EHMT2: variants seen among roughly 807,000 people sequenced by gnomAD.
EHMT2 encodes histone-lysine N-methyltransferase EHMT2.
In EHMT2, 59 loss-of-function variants were observed where a neutral mutation model predicts 143.3. That is an observed-to-expected ratio of 0.41 (90% CI 0.33 to 0.51). The LOEUF (loss-of-function observed/expected upper bound fraction) is 0.51. EHMT2 is among the 20% of genes least tolerant of loss of function. The pLI, the probability that EHMT2 is intolerant of heterozygous loss-of-function variation, is 0.18. For missense variants in EHMT2, 1,174 were observed against 1,645.9 expected, an observed-to-expected ratio of 0.71 and a Z score of 4.96; for synonymous variants, 604 against 651.5, an observed-to-expected ratio of 0.93 and a Z score of 1.11.
At position 31,897,623 on chromosome 6, in the gene EHMT2, T is replaced by C. The variant is rs1002064888; in HGVS notation, c.42+13A>G. On this transcript the variant is annotated intron_variant, in intron 1 of 27. Transcript: ENST00000375537. ...GCGGGCATGCACCCGCCTCTCCCCC[T>C]CCCCTTCCGCACCTCGGCGGCCGCC... The C allele has an allele frequency of 8.8e-7, 1 of 1,133,064 alleles. No individual in the cohort carries two copies. The highest frequency in any genetic ancestry group is 1.1e-6 in the Non-Finnish European group (1 of 925,504). 70.2% of individuals were successfully genotyped at this position (1,133,064 alleles called of 1,614,324 possible). A position where few individuals can be genotyped will look rare whatever the true frequency, so the allele number is the denominator to read the frequency against.
intron 4 of EHMT2, chr6:31,893,329 CTTTT>C (rs1423022952): frequency 2.5e-5 from 11 of 441,732 alleles, no homozygotes; most frequent in Non-Finnish European, 4.9e-5. Flanking sequence ...GAAAGATATA[CTTTT>C]TTTAAGAGAT....
rs374600328 is a variant in EHMT2, at chr6:31,896,603, C to G, written c.328+3G>C. On this transcript the variant is annotated splice_donor_region_variant and intron_variant, in intron 3 of 27. Coordinates refer to ENST00000375537, the Ensembl canonical transcript of EHMT2. Reference sequence around the variant, plus strand: ...CAACCCCCCAGGCTACCCAGCCTCTCACCCAGCAGGATCCGGCCCCCACGG... The same window carrying G: ...CAACCCCCCAGGCTACCCAGCCTCTGACCCAGCAGGATCCGGCCCCCACGG... 3.8e-6 allele frequency: 6 copies of G among 1,586,140 alleles called. No homozygotes were observed. The African/African-American group carries it at 5.4e-5, about 14-fold the overall frequency.
rs926068646 is a variant in EHMT2, at chr6:31,880,761, C to T, written c.3364G>A (p.Val1122Ile). 1.9e-6 allele frequency: 3 copies of T among 1,613,794 alleles called. No individual in the cohort carries two copies. Among genetic ancestry groups the T allele is most frequent in the Admixed American group, 1.7e-5 (1 of 59,992 alleles). Reference sequence around the variant, plus strand: ...TCTTGGTGCAGCATGAAGACCCGGACGGGAATGATGTTGGGGTCACACAGG... The same window carrying T: ...TCTTGGTGCAGCATGAAGACCCGGATGGGAATGATGTTGGGGTCACACAGG... The change falls in exon 27 of 28, where the codon GTC becomes ATC. Residue 1122 changes from valine to isoleucine, a missense_variant. By Grantham distance (29) the Val-to-Ile change is conservative. Coordinates refer to ENST00000375537, the Ensembl canonical transcript of EHMT2. This position sits in a 1 kb window ranked among gnomAD's most constrained non-coding sequence, Gnocchi z 6.6.
chr6:31,888,903 CT>C lies in EHMT2; in HGVS notation c.1216+65del. The stretch of plus-strand genomic sequence containing the variant: ...CCCCGGCTCTGGCGTGGTTCCCCTC[CT>C]TCCCTTTCCCTCCTGCCCTGAGGTC... On this transcript the variant is annotated intron_variant, in intron 10 of 27. Coordinates refer to ENST00000375537, the Ensembl canonical transcript of EHMT2. The surrounding 1 kb of genome is among the most constrained non-coding windows in gnomAD (Gnocchi z 7.4). 6.6e-7 allele frequency: 1 copy of C among 1,518,140 alleles called. No homozygotes were observed. The highest frequency in any genetic ancestry group is 8.9e-7 in the Non-Finnish European group (1 of 1,117,518). 94.0% of individuals were successfully genotyped at this position (1,518,140 alleles called of 1,614,324 possible). A position where few individuals can be genotyped will look rare whatever the true frequency, so the allele number is the denominator to read the frequency against.
chr6:31,889,378 AC>A lies in EHMT2; in HGVS notation c.1000-37del. The A allele has an allele frequency of 1.2e-6, 2 of 1,608,040 alleles. No homozygotes were observed. The highest frequency in any genetic ancestry group is 2.2e-5 in the East Asian group (1 of 44,800). On this transcript the variant is annotated intron_variant, in intron 8 of 27. Transcript: ENST00000375537. The surrounding 1 kb of genome is among the most constrained non-coding windows in gnomAD (Gnocchi z 5.1). Reference sequence around the variant, plus strand: ...GGAGGAGGAGGAGTTAGGAACCCTCACCCCCAGGGGCCCCCCCAACACCTTC... The same window carrying A: ...GGAGGAGGAGGAGTTAGGAACCCTCACCCCAGGGGCCCCCCCAACACCTTC...
Position 31,880,914 on chromosome 6 carries a change from T to TC in EHMT2, c.3277-67dup, listed in dbSNP as rs1764028513. On this transcript the variant is annotated intron_variant, in intron 26 of 27. Transcript: ENST00000375537. The surrounding 1 kb of genome is among the most constrained non-coding windows in gnomAD (Gnocchi z 6.6). ...CTGCTTGCCCTCCCCACCCACTGAC[T>TC]CCCCAGTCCCTCCTCCCCAGGTTTC... The TC allele has an allele frequency of 6.2e-7, 1 of 1,606,000 alleles. No individual in the cohort carries two copies. Among genetic ancestry groups the TC allele is most frequent in the Admixed American group, 1.7e-5 (1 of 59,892 alleles).
rs373220874 is a variant in EHMT2 at position 31,880,800 on chromosome 6, G to C, written c.3325C>G (p.Arg1109Gly). ...GGGTCACACAGGTGGTTGATGAAGC[G>C]GCTGATGTTGCCATAGTAACGGGCA... The change falls in exon 27 of 28, where the codon CGC (arginine) becomes GGC (glycine). Residue 1109 changes from arginine (R) to glycine (G), a missense_variant. Arg to Gly is a moderately radical substitution (Grantham distance 125). This residue lies in a region of EHMT2 where 44 missense variants were observed against 113.5 expected (regional missense o/e 0.39). Coordinates refer to ENST00000375537, the Ensembl canonical transcript of EHMT2. This position sits in a 1 kb window ranked among gnomAD's most constrained non-coding sequence, Gnocchi z 6.6. The C allele has an allele frequency of 2.5e-6, 4 of 1,613,786 alleles. No homozygotes were observed. The highest frequency in any genetic ancestry group is 1.3e-5 in the African/African-American group (1 of 74,876).
At position 31,889,742 on chromosome 6, in the gene EHMT2, A is replaced by C. The variant is rs1765446014; in HGVS notation, c.865-140T>G. 2.9e-6 allele frequency: 3 copies of C among 1,041,612 alleles called. No homozygotes were observed. The highest frequency in any genetic ancestry group is 2.9e-6 in the Non-Finnish European group (2 of 695,576). The allele number at this position is 1,041,612 out of a possible 1,614,324, so 64.5% of individuals were successfully genotyped here. A position where few individuals can be genotyped will look rare whatever the true frequency, so the allele number is the denominator to read the frequency against. ...ATAAGTGTGGGTAGCAGAGGAGACAAAGGGCCACATAAAGAGAGGGTGCAT... is the reference window on the plus strand; with the variant it reads ...ATAAGTGTGGGTAGCAGAGGAGACACAGGGCCACATAAAGAGAGGGTGCAT... On this transcript the variant is annotated intron_variant, in intron 7 of 27. Transcript: ENST00000375537. This position sits in a 1 kb window ranked among gnomAD's most constrained non-coding sequence, Gnocchi z 5.1.
intron 4 of EHMT2, chr6:31,895,685 T>C (rs1766317057): frequency 6.6e-6 from 1 of 152,144 alleles, no homozygotes; most frequent in African/African-American, 2.4e-5. Context: ...CTAATCAGAG[T>C]GTATTTTCAC....
rs1170755204 is a variant in EHMT2 at position 31,897,291 on chromosome 6, C to A, written c.43-302G>T. On this transcript the variant is annotated intron_variant, in intron 1 of 27. Transcript: ENST00000375537. ...CCTCCCGGCTGCACGCGCCGCTCCC[C>A]CTTTGTCCCCCAGGCCGCGGGGACC... 1.4e-5 allele frequency: 10 copies of A among 731,352 alleles called. No individual in the cohort carries two copies. The African/African-American group carries it at 1.7e-4, about 12-fold the overall frequency. 45.3% of individuals were successfully genotyped at this position (731,352 alleles called of 1,614,324 possible).
At position 31,884,977 on chromosome 6, in the gene EHMT2, G is replaced by A; in HGVS notation, c.2383C>T (p.His795Tyr). 1 of 1,611,018 alleles carries A rather than the reference G, an allele frequency of 6.2e-7. No homozygotes were observed. Among genetic ancestry groups the A allele is most frequent in the Non-Finnish European group, 8.5e-7 (1 of 1,177,954 alleles). ...ATGCGGATCACCTCGATGTGCTTGT[G>A]CTCTGCAGCCCAGATGATGGGCGTC... Residue 795 changes from histidine (H) to tyrosine (Y), a missense_variant, in exon 19 of 28, where the codon CAC becomes TAC. Around this residue, in one of 6 missense-constraint regions of EHMT2, gnomAD observed 608 missense variants for 903.7 expected, o/e 0.67. Transcript: ENST00000375537. This position sits in a 1 kb window ranked among gnomAD's most constrained non-coding sequence, Gnocchi z 7.3.
At chr6:31,894,829 T>TATC (rs1766165034) in intron 4 of EHMT2, among the ~76,000 whole-genome samples, 2 of 151,688 alleles carry the variant, frequency 1.3e-5, no homozygotes, top group African/African-American at 4.8e-5. Flanking sequence ...TTATTATTAT[T>TATC]TTAGTTAGAG....
intron 15 of EHMT2, 90 bp from the exon 16 acceptor site, chr6:31,887,191 C>G: frequency 8.9e-7 from 1 of 1,121,268 alleles, no homozygotes; most frequent in East Asian, 2.4e-5. Context: ...GAAGGCTTCT[C>G]AGGGCCCCAA....
Position 31,888,596 on chromosome 6 carries a change from C to CACCTCT in EHMT2, c.1362_1365+2dup. ...CACCTCTCCCACCAGCCCACGGCCC[C>CACCTCT]ACCTCTCCGTCCACACTCTCAGTGG... On this transcript the variant is annotated splice_region_variant and intron_variant, in intron 11 of 27. Transcript: ENST00000375537. The surrounding 1 kb of genome is among the most constrained non-coding windows in gnomAD (Gnocchi z 7.4). 6.2e-7 allele frequency: 1 copy of CACCTCT among 1,612,298 alleles called. No individual in the cohort carries two copies. The highest frequency in any genetic ancestry group is 1.1e-5 in the South Asian group (1 of 91,036).
chr6:31,893,294 T>C (rs964768914), intron 4 of EHMT2: 1 of 449,600 alleles, frequency 2.2e-6, no homozygotes, highest in East Asian at 5.6e-5. Context: ...TTATACACAA[T>C]GGAATAACAT....
intron 1 of EHMT2, 143 bp downstream of exon 1, chr6:31,897,493 C>T (rs1562527057): frequency 3.6e-6 from 2 of 550,040 alleles, no homozygotes; most frequent in Non-Finnish European, 5.0e-6. Context: ...CCCTCATCCG[C>T]CCCCGGTGCT....
intron 4 of EHMT2, among the ~76,000 whole-genome samples, chr6:31,894,772 G>C (rs1766148564): frequency 6.6e-6 from 1 of 151,978 alleles, no homozygotes; most frequent in Non-Finnish European, 1.5e-5. Flanking sequence ...CTCTCGACTA[G>C]CTGGGATTAC....
At position 31,883,459 on chromosome 6, in the gene EHMT2, G is replaced by A; in HGVS notation, c.2917-20C>T. 1 of 1,607,844 alleles carries A rather than the reference G, an allele frequency of 6.2e-7. No homozygotes were observed. The highest frequency in any genetic ancestry group is 8.5e-7 in the Non-Finnish European group (1 of 1,177,468). ...GCAGTGCTGGGGCGAGGAGGCAGAG[G>A]TCAGCTCAACCCCATGATCGGTCTG... On this transcript the variant is annotated intron_variant, in intron 22 of 27. Transcript: ENST00000375537. The surrounding 1 kb of genome is among the most constrained non-coding windows in gnomAD (Gnocchi z 5.6).
Position 31,883,199 on chromosome 6 carries a change from G to GTCCCAGCCACATCCCAGGAT in EHMT2, c.2994+143_2994+162dup. 1.1e-6 allele frequency: 1 copy of GTCCCAGCCACATCCCAGGAT among 884,188 alleles called. No individual in the cohort carries two copies. Among genetic ancestry groups the GTCCCAGCCACATCCCAGGAT allele is most frequent in the Non-Finnish European group, 1.8e-6 (1 of 560,756 alleles). The allele number at this position is 884,188 out of a possible 1,614,324, so 54.8% of individuals were successfully genotyped here. On this transcript the variant is annotated intron_variant, in intron 23 of 27. Transcript: ENST00000375537. The surrounding 1 kb of genome is among the most constrained non-coding windows in gnomAD (Gnocchi z 5.6). ...TAGACCTGGGCACACGCCCATCGCT[G>GTCCCAGCCACATCCCAGGAT]TCCCAGCCACATCCCAGGATTCCCA...
Sources: allele counts gnomAD v4.1 joint callset (sites outside exome capture counted in the v4.1 genomes callset), GRCh38; gene constraint gnomAD v4.1.1; regional missense constraint gnomAD v4.1.1; non-coding constraint Gnocchi (gnomAD v3.1); transcripts MANE v1.5; gene names NCBI Gene and HGNC (gene_info 2026-07-23, HGNC 2026-07-21).